Variants in TBC1D1 observed in about 807,000 individuals in gnomAD.
TBC1D1 encodes the protein TBC1 domain family member 1.
A neutral mutation model predicts 125.6 loss-of-function variants in TBC1D1; 89 were observed. The observed-to-expected ratio is 0.71, with a 90% confidence interval of 0.60 to 0.85. TBC1D1 has a LOEUF of 0.85. Ranked by LOEUF, TBC1D1 falls within the 40% of genes least tolerant of loss-of-function variation. The pLI, the probability that TBC1D1 is intolerant of heterozygous loss-of-function variation, is 0.00. For missense variants in TBC1D1, 1,377 were observed against 1,469.2 expected (o/e 0.94, Z 1.03); for synonymous variants, 565 against 564.1 (o/e 1.00, Z -0.02).
chr4:37,926,504 A>G (rs80234655), intron 2 of TBC1D1, among the ~76,000 whole-genome samples: 1,732 of 152,284 alleles, frequency 0.011, 31 homozygotes, highest in African/African-American at 0.04. Context: ...CAAAAACTCT[A>G]TGTAATGATC....
chr4:37,976,205 A>G (rs566329486), intron 2 of TBC1D1, among the ~76,000 whole-genome samples: 73 of 152,374 alleles, frequency 4.8e-4, no homozygotes, highest in Non-Finnish European at 9.0e-4. Context: ...CCCTGAGTCC[A>G]GCAGCTTGCG....
At chr4:38,020,946 T>A (rs762781916) in intron 5 of TBC1D1, 31 of 340,342 alleles carry the variant, frequency 9.1e-5, no homozygotes, top group Non-Finnish European at 1.6e-4. Context: ...ACAATGTCAT[T>A]TTAGACATCT....
chr4:37,922,335 T>G (rs530595839), intron 2 of TBC1D1, among the ~76,000 whole-genome samples: 1 of 152,334 alleles, frequency 6.6e-6, no homozygotes, highest in East Asian at 1.9e-4. Flanking sequence ...TTATGTCCTA[T>G]TCCATCACTG....
intron 2 of TBC1D1, among the ~76,000 whole-genome samples, chr4:37,904,840 T>C (rs557875679): frequency 6.6e-6 from 1 of 152,380 alleles, no homozygotes; most frequent in South Asian, 2.1e-4. Context: ...CTGGCCATGA[T>C]GCTAACAGCG....
At chr4:38,045,277 C>G (rs1486608097) in intron 9 of TBC1D1, among the ~76,000 whole-genome samples, 1 of 152,204 alleles carries the variant, frequency 6.6e-6, no homozygotes, top group African/African-American at 2.4e-5. Context: ...GATTTTATGG[C>G]ACACTTCTTT....
chr4:37,922,503 C>A (rs896827619), intron 2 of TBC1D1, among the ~76,000 whole-genome samples: 1 of 152,200 alleles, frequency 6.6e-6, no homozygotes, highest in Non-Finnish European at 1.5e-5. Flanking sequence ...GCCTTTAAGC[C>A]GTCCTGAATC....
chr4:38,124,495 C>T (rs750872458), intron 17 of TBC1D1, among the ~76,000 whole-genome samples: 27 of 152,214 alleles, frequency 1.8e-4, no homozygotes, highest in Admixed American at 5.9e-4. Context: ...TGCAGTTGTA[C>T]AGCTGTTGTA....
rs1427656588 is a variant in TBC1D1 at position 38,115,877 on chromosome 4, G to A, written c.2725G>A (p.Ala909Thr). ...GCTTCTTCATATGAGTGAGGAAGAG[G>A]CGTTTAAAATGCTCAAGTTTCTGAT... Residue 909 changes from alanine to threonine, a missense_variant, in exon 16 of 20, where the codon GCG (alanine) becomes ACG (threonine). By Grantham distance (58) the Ala-to-Thr change is moderately conservative (BLOSUM62 0). Around this residue, in one of 3 missense-constraint regions of TBC1D1, gnomAD observed 543 missense variants for 613.5 expected, o/e 0.89. Transcript: ENST00000261439. 6.2e-6 allele frequency: 10 copies of A among 1,614,076 alleles called. No individual in the cohort carries two copies. Among genetic ancestry groups the A allele is most frequent in the African/African-American group, 1.3e-5 (1 of 74,924 alleles).
chr4:38,061,584 A>G (rs1447563095), intron 12 of TBC1D1, among the ~76,000 whole-genome samples: 4 of 152,214 alleles, frequency 2.6e-5, no homozygotes, highest in South Asian at 2.1e-4. Context: ...AAAGCCTAAT[A>G]TAGATAAGAA....
At chr4:38,096,765 A>T (rs555725145) in intron 14 of TBC1D1, among the ~76,000 whole-genome samples, 1 of 152,334 alleles carries the variant, frequency 6.6e-6, no homozygotes, top group South Asian at 2.1e-4. Flanking sequence ...AGTGATCCTA[A>T]TTAAAAATGT....
chr4:37,960,611 T>C (rs746314097), intron 2 of TBC1D1: 2 of 1,614,160 alleles, frequency 1.2e-6, no homozygotes, highest in Non-Finnish European at 1.7e-6. Context: ...TACCTAAAGC[T>C]ACCAGAAAGG....
intron 18 of TBC1D1, among the ~76,000 whole-genome samples, chr4:38,128,030 AT>A (rs1393543099): frequency 2.6e-5 from 4 of 152,176 alleles, no homozygotes; most frequent in Non-Finnish European, 5.9e-5. Flanking sequence ...AAAAATCTTT[AT>A]TTTAAAAACT....
At chr4:38,077,630 A>ATTT (rs33926889) in intron 12 of TBC1D1, among the ~76,000 whole-genome samples, 10 of 125,322 alleles carry the variant, frequency 8.0e-5, no homozygotes, top group African/African-American at 2.6e-4. Context: ...CAAAACCTTA[A>ATTT]TTTTTTTTTT....
chr4:37,900,069 C>T (rs13117133), intron 1 of TBC1D1, among the ~76,000 whole-genome samples: 11,758 of 148,874 alleles, frequency 0.079, 612 homozygotes, highest in East Asian at 0.22. Flanking sequence ...TGCAGTGAGC[C>T]GAGATCGCGC....
chr4:38,052,194 T>TGTGTGTGTGTGTGTGTGTGCGC (rs755025486), intron 11 of TBC1D1, 134 bp downstream of exon 12: 1 of 564,364 alleles, frequency 1.8e-6, no homozygotes, highest in Admixed American at 3.6e-5. Flanking sequence ...TGTGTGTGTG[T>TGTGTGTGTGTGTGTGTGTGCGC]GCGCGCGCGT....
In TBC1D1 at chr4:38,021,733, CT is replaced by C; in HGVS notation, c.1210+18del. ...GAGGATAGAGGGTGAGTAGGGGACC[CT>C]TTCCAGCATGAACACAGTGGGAGTT... On this transcript the variant is annotated intron_variant, in intron 6 of 19. Transcript: ENST00000261439. 2 of 1,529,046 alleles carry C rather than the reference CT, an allele frequency of 1.3e-6. No individual in the cohort carries two copies. Among genetic ancestry groups the C allele is most frequent in the Admixed American group, 2.3e-5 (1 of 43,922 alleles). The allele number at this position is 1,529,046 out of a possible 1,614,324, so 94.7% of individuals were successfully genotyped here. A position where few individuals can be genotyped will look rare whatever the true frequency, so the allele number is the denominator to read the frequency against.
intron 2 of TBC1D1, among the ~76,000 whole-genome samples, chr4:37,956,872 G>A: frequency 6.6e-6 from 1 of 151,812 alleles, no homozygotes; most frequent in Non-Finnish European, 1.5e-5. Context: ...CCAGGAGGTG[G>A]AAGATGAAGT....
At chr4:37,917,424 G>A (rs772504829) in intron 2 of TBC1D1, among the ~76,000 whole-genome samples, 2 of 152,182 alleles carry the variant, frequency 1.3e-5, no homozygotes, top group Non-Finnish European at 2.9e-5. Context: ...GCAGTGAGCC[G>A]AGACTGCGTC....
At chr4:37,973,365 G>A (rs1410231931) in intron 2 of TBC1D1, among the ~76,000 whole-genome samples, 1 of 152,210 alleles carries the variant, frequency 6.6e-6, no homozygotes, top group African/African-American at 2.4e-5. Flanking sequence ...CGTTCCCGCT[G>A]TTAACTGTTA....
Sources: gnomAD v4.1 joint callset for allele counts (sites outside exome capture counted in the v4.1 genomes callset) on GRCh38, gnomAD v4.1.1 for gene constraint, gnomAD v4.1.1 regional missense constraint, MANE v1.5 for transcripts, NCBI Gene and HGNC (gene_info 2026-07-23, HGNC 2026-07-21) for gene names.